DGKG: variants seen among roughly 807,000 people sequenced by gnomAD.
The protein encoded by DGKG is DAG kinase gamma.
A neutral mutation model predicts 105.3 loss-of-function variants in DGKG; 78 were observed. The ratio of observed to expected loss-of-function variants is 0.74; its 90% confidence interval spans 0.62 to 0.89. The LOEUF (loss-of-function observed/expected upper bound fraction) is 0.89. DGKG is among the 40% of genes least tolerant of loss of function. The pLI, the probability that DGKG is intolerant of heterozygous loss-of-function variation, is 0.00. For synonymous variants in DGKG, 346 were observed against 367.1 expected, an observed-to-expected ratio of 0.94 and a Z score of 0.66; for missense variants, 958 against 1,020.1, an observed-to-expected ratio of 0.94 and a Z score of 0.83.
At chr3:186,293,978 G>C (rs541515731) in intron 5 of DGKG, among the ~76,000 whole-genome samples, 2 of 152,254 alleles carry the variant, frequency 1.3e-5, no homozygotes, top group South Asian at 4.2e-4. Flanking sequence ...AAAAAATGCT[G>C]TATACCTCCT....
intron 1 of DGKG, among the ~76,000 whole-genome samples, chr3:186,337,919 C>T (rs919928654): frequency 1.4e-4 from 22 of 151,974 alleles, no homozygotes; most frequent in Non-Finnish European, 2.4e-4. Context: ...CCTGTAATCT[C>T]AGCACTTAGG....
chr3:186,348,782 G>T (rs1172612260), intron 1 of DGKG, among the ~76,000 whole-genome samples: 1 of 152,002 alleles, frequency 6.6e-6, no homozygotes, highest in Non-Finnish European at 1.5e-5. Flanking sequence ...AAATTCCACA[G>T]TCATACCTCA....
intron 2 of DGKG, among the ~76,000 whole-genome samples, chr3:186,310,290 C>CAAAAAAAAAAA (rs886723244): frequency 1.4e-5 from 1 of 69,816 alleles, no homozygotes; most frequent in Non-Finnish European, 2.8e-5. Context: ...AAAAAAAAAA[C>CAAAAAAAAAAA]CACACACACA....
chr3:186,320,761 C>A, intron 1 of DGKG, 54 bp from the exon 2 acceptor site: 1 of 306,030 alleles, frequency 3.3e-6, no homozygotes, highest in Non-Finnish European at 6.0e-6. Context: ...AAAAAAGGCC[C>A]CAAATGTTCT....
intron 19 of DGKG, among the ~76,000 whole-genome samples, chr3:186,246,556 T>C (rs1264440277): frequency 6.6e-6 from 1 of 152,160 alleles, no homozygotes; most frequent in Non-Finnish European, 1.5e-5. Context: ...TAAGACAGAT[T>C]ATTTGAAATT....
chr3:186,333,140 G>C (rs939149443), intron 1 of DGKG, among the ~76,000 whole-genome samples: 1 of 152,190 alleles, frequency 6.6e-6, no homozygotes, highest in Non-Finnish European at 1.5e-5. Flanking sequence ...GTTTATGAGA[G>C]CATCACTAGT....
intron 2 of DGKG, among the ~76,000 whole-genome samples, chr3:186,317,270 G>T (rs1308112827): frequency 6.6e-6 from 1 of 152,138 alleles, no homozygotes; most frequent in Non-Finnish European, 1.5e-5. Flanking sequence ...CATACCTTAA[G>T]CCTCATTCTC....
chr3:186,280,383 C>T (rs139445345), intron 8 of DGKG, among the ~76,000 whole-genome samples: 1 of 152,212 alleles, frequency 6.6e-6, no homozygotes, highest in Admixed American at 6.5e-5. Context: ...TAATAGAAAT[C>T]TCTACAGTTC....
intron 24 of DGKG, among the ~76,000 whole-genome samples, chr3:186,157,046 T>G (rs1253780179): frequency 6.6e-6 from 1 of 151,984 alleles, no homozygotes; most frequent in African/African-American, 2.4e-5. Flanking sequence ...GGCTAAAATT[T>G]CCAATGTTAA....
At chr3:186,360,427 A>G (rs1240664766) in intron 1 of DGKG, among the ~76,000 whole-genome samples, 3 of 152,230 alleles carry the variant, frequency 2.0e-5, no homozygotes, top group African/African-American at 7.2e-5. Flanking sequence ...GATCAGGAGT[A>G]CGACCGGGAA....
Position 186,267,675 on chromosome 3 carries a change from G to A in DGKG, c.1209+10C>T, listed in dbSNP as rs1413709642. 5 of 1,611,446 alleles carry A rather than the reference G, an allele frequency of 3.1e-6. No homozygotes were observed. Among genetic ancestry groups the A allele is most frequent in the Middle Eastern group, 1.7e-4 (1 of 6,028 alleles). On this transcript the variant is annotated intron_variant, in intron 13 of 24. Transcript: ENST00000265022. Reference sequence around the variant, plus strand: ...GAAGCTACAGCCCTCGCCGGGGCAGGAGCACTTACCCGGGTGATGGGGCAT... The same window carrying A: ...GAAGCTACAGCCCTCGCCGGGGCAGAAGCACTTACCCGGGTGATGGGGCAT...
At position 186,257,795 on chromosome 3, in the gene DGKG, C is replaced by T. The variant is rs186882025; in HGVS notation, c.1510+59G>A. 823 of 1,348,838 alleles carry T rather than the reference C, an allele frequency of 6.1e-4. 6 individuals carry two copies. The highest frequency in any genetic ancestry group is 7.5e-5 in the Non-Finnish European group (71 of 940,724). The allele number at this position is 1,348,838 out of a possible 1,614,324, so 83.6% of individuals were successfully genotyped here. ...TCTCTTTCTTTTTTATTGCCTTCTG[C>T]TGATTGTAAATACGCTTACTATAAA... is the stretch of plus-strand genomic sequence containing the variant. On this transcript the variant is annotated intron_variant, in intron 17 of 24. Coordinates refer to ENST00000265022, the MANE Select transcript of DGKG (RefSeq NM_001346.3).
chr3:186,206,403 C>A (rs73180306), intron 21 of DGKG, among the ~76,000 whole-genome samples: 87,186 of 151,010 alleles, frequency 0.58, 25,584 homozygotes, highest in East Asian at 0.92. Context: ...CAAAACAAAA[C>A]AAAAAAACAA....
rs77487948 is a variant in DGKG at position 186,319,376 on chromosome 3, C to T, written c.67+1017G>A. Among the ~76,000 whole-genome samples the T allele has an allele frequency of 5.5e-3, 834 of 152,248 alleles. 12 individuals are homozygous for T. Among genetic ancestry groups the T allele is most frequent in the African/African-American group, 0.019 (805 of 41,538 alleles). On this transcript the variant is annotated intron_variant, in intron 2 of 24. Coordinates refer to ENST00000265022, the MANE Select transcript of DGKG (RefSeq NM_001346.3). Reference sequence around the variant, plus strand: ...ATGTCACAGCATAGAGAGCAAGAGGCAGAGCTGGCACCTGAACTGGATTCC... The same window carrying T: ...ATGTCACAGCATAGAGAGCAAGAGGTAGAGCTGGCACCTGAACTGGATTCC...
intron 22 of DGKG, among the ~76,000 whole-genome samples, chr3:186,173,610 G>A (rs1716932846): frequency 6.6e-6 from 1 of 152,216 alleles, no homozygotes; most frequent in Non-Finnish European, 1.5e-5. Flanking sequence ...TGGTGGCTTG[G>A]GCACTCAAAG....
intron 24 of DGKG, among the ~76,000 whole-genome samples, chr3:186,150,594 C>T (rs1252548606): frequency 6.6e-6 from 1 of 152,178 alleles, no homozygotes; most frequent in Non-Finnish European, 1.5e-5. Flanking sequence ...CTTCAGATTC[C>T]CAGCCTCCAT....
rs115624758 is a variant in DGKG, at chr3:186,359,032, G to A, written c.-249+2914C>T. On this transcript the variant is annotated intron_variant, in intron 1 of 24. Transcript: ENST00000265022. ...TTGTATGGTTTCCATAATCCCTCCC[G>A]AGTGTATAAAGCAAGGTGATATGTG... Among the ~76,000 whole-genome samples, 837 of 152,252 alleles carry A rather than the reference G, an allele frequency of 5.5e-3. 8 individuals are homozygous for A. The highest frequency in any genetic ancestry group is 0.019 in the African/African-American group (772 of 41,536).
At chr3:186,283,462 C>T (rs1722918626) in intron 7 of DGKG, among the ~76,000 whole-genome samples, 1 of 152,224 alleles carries the variant, frequency 6.6e-6, no homozygotes, top group Non-Finnish European at 1.5e-5. Flanking sequence ...CTTCATGCCT[C>T]TGTTCAGATG....
At chr3:186,351,137 A>G (rs953641152) in intron 1 of DGKG, among the ~76,000 whole-genome samples, 2 of 152,106 alleles carry the variant, frequency 1.3e-5, no homozygotes, top group Admixed American at 1.3e-4. Flanking sequence ...CATTCTGATG[A>G]CTTACAGTTG....
Sources: gnomAD v4.1 joint callset for allele counts (sites outside exome capture counted in the v4.1 genomes callset) on GRCh38, gnomAD v4.1.1 for gene constraint, MANE v1.5 for transcripts, NCBI Gene and HGNC (gene_info 2026-07-23, HGNC 2026-07-21) for gene names.